PDE10A: variants seen among roughly 807,000 people sequenced by gnomAD.
PDE10A encodes the protein cAMP and cAMP-inhibited cGMP 3',5'-cyclic phosphodiesterase 10A.
A neutral mutation model predicts 97.7 loss-of-function variants in PDE10A; 39 were observed. That is an observed-to-expected ratio of 0.40 (90% CI 0.31 to 0.52). PDE10A has a LOEUF of 0.52. Among genes scored for constraint, PDE10A ranks in the 20% least tolerant of loss-of-function variants. The pLI is 0.56. For synonymous variants in PDE10A, 371 were observed against 376.8 expected, an observed-to-expected ratio of 0.98 and a Z score of 0.18; for missense variants, 731 against 1,047.8, an observed-to-expected ratio of 0.70 and a Z score of 4.17.
At chr6:165,489,455 T>G (rs1345461117) in intron 2 of PDE10A, among the ~76,000 whole-genome samples, 2 of 152,162 alleles carry the variant, frequency 1.3e-5, no homozygotes, top group Admixed American at 1.3e-4. Flanking sequence ...CAGCAGCCCT[T>G]GAGTCCCAGA....
chr6:165,472,013 C>T (rs1488678924), intron 3 of PDE10A, among the ~76,000 whole-genome samples: 5 of 151,868 alleles, frequency 3.3e-5, no homozygotes, highest in Non-Finnish European at 7.4e-5. Flanking sequence ...AGTTATTTTC[C>T]TAGCTTTAAA....
rs190831071 is a variant in PDE10A at position 165,369,254 on chromosome 6, G to A, written c.2783+9940C>T. Among the ~76,000 whole-genome samples, 60 of 152,260 alleles carry A rather than the reference G, an allele frequency of 3.9e-4. 1 individual carries two copies. The highest frequency in any genetic ancestry group is 2.9e-3 in the Admixed American group (45 of 15,302). ...GAATGACTTTGACGAGCTGAGAGCA[G>A]AAGGCTTCAGACGATCAAATTACTC... is the stretch of plus-strand genomic sequence containing the variant. On this transcript the variant is annotated intron_variant, in intron 18 of 21. Transcript: ENST00000539869.
At chr6:165,508,964 G>A (rs935150609) in intron 2 of PDE10A, among the ~76,000 whole-genome samples, 4 of 151,916 alleles carry the variant, frequency 2.6e-5, no homozygotes, top group Admixed American at 1.3e-4. Flanking sequence ...AGCAATCAGC[G>A]ATGTGCTTCC....
chr6:165,416,899 TTGTC>T (rs1292043672), intron 11 of PDE10A, among the ~76,000 whole-genome samples: 9 of 152,212 alleles, frequency 5.9e-5, no homozygotes, highest in Admixed American at 4.6e-4. Context: ...AATACAAGGA[TTGTC>T]TGTTTTTTAT....
intron 2 of PDE10A, among the ~76,000 whole-genome samples, chr6:165,519,476 A>AAT (rs928021524): frequency 1.3e-5 from 2 of 151,982 alleles, no homozygotes; most frequent in Admixed American, 6.6e-5. Flanking sequence ...AAAAAAAAAA[A>AAT]ACCACATCAG....
intron 1 of PDE10A, among the ~76,000 whole-genome samples, chr6:165,637,590 C>T (rs1028701282): frequency 6.6e-6 from 1 of 152,190 alleles, no homozygotes; most frequent in Non-Finnish European, 1.5e-5. Flanking sequence ...GGCAGCATAA[C>T]AGGGTCACAA....
chr6:165,660,017 T>C (rs1790158445), intron 1 of PDE10A: 2 of 152,280 alleles, frequency 1.3e-5, no homozygotes, highest in Non-Finnish European at 2.9e-5. Context: ...GAGCAGCTTG[T>C]CACTGCAAGA....
chr6:165,502,798 A>C (rs749210267), intron 2 of PDE10A, among the ~76,000 whole-genome samples: 15 of 152,180 alleles, frequency 9.9e-5, no homozygotes, highest in Non-Finnish European at 1.9e-4. Context: ...TATGAACTAT[A>C]ATGACAAAAG....
At chr6:165,726,130 C>T (rs573854509) in intron 1 of PDE10A, among the ~76,000 whole-genome samples, 10 of 152,232 alleles carry the variant, frequency 6.6e-5, no homozygotes, top group East Asian at 5.8e-4. Flanking sequence ...GGCAGAGAGT[C>T]GAGGAGCTGT....
intron 1 of PDE10A, among the ~76,000 whole-genome samples, chr6:165,806,927 T>C (rs1562746463): frequency 6.6e-6 from 1 of 152,236 alleles, no homozygotes; most frequent in East Asian, 1.9e-4. Flanking sequence ...TACCATGTTA[T>C]GTTTTTTCAC....
At chr6:165,601,928 G>A (rs1786974430) in intron 1 of PDE10A, among the ~76,000 whole-genome samples, 1 of 152,182 alleles carries the variant, frequency 6.6e-6, no homozygotes, top group Non-Finnish European at 1.5e-5. Flanking sequence ...TTCTATGCCA[G>A]ATGACAAAGA....
At chr6:165,527,572 C>A (rs1401896099) in intron 2 of PDE10A, among the ~76,000 whole-genome samples, 1 of 152,204 alleles carries the variant, frequency 6.6e-6, no homozygotes, top group Non-Finnish European at 1.5e-5. Flanking sequence ...TTGGTGGAAA[C>A]TGAATGTTTT....
At chr6:165,971,039 T>C (rs1784654310) in intron 1 of PDE10A, among the ~76,000 whole-genome samples, 1 of 151,954 alleles carries the variant, frequency 6.6e-6, no homozygotes, top group Non-Finnish European at 1.5e-5. Flanking sequence ...TCCCAATTAC[T>C]CGGAAGGCTG....
At chr6:165,366,812 G>A (rs1223065767) in intron 18 of PDE10A, among the ~76,000 whole-genome samples, 1 of 152,108 alleles carries the variant, frequency 6.6e-6, no homozygotes, top group East Asian at 1.9e-4. Context: ...CCCAACTAAA[G>A]CTTAAAGGAA....
chr6:165,577,647 C>T lies in PDE10A; in HGVS notation c.866-34079G>A, dbSNP rs79639644. ...CCCCTCACTCTTGGAGCTCCCCACA[C>T]GTGGGCCGCCTGCTATGAGTCCCTG... On this transcript the variant is annotated intron_variant, in intron 1 of 21. Transcript: ENST00000539869. Among the ~76,000 whole-genome samples the T allele has an allele frequency of 7.9e-3, 1,206 of 152,304 alleles. 12 individuals carry two copies. Among genetic ancestry groups the T allele is most frequent in the African/African-American group, 0.028 (1,154 of 41,552 alleles).
At chr6:165,706,560 T>A (rs1791714882) in intron 1 of PDE10A, among the ~76,000 whole-genome samples, 1 of 152,212 alleles carries the variant, frequency 6.6e-6, no homozygotes, top group African/African-American at 2.4e-5. Context: ...GCCAATACTA[T>A]CTTATTGACA....
At chr6:165,551,431 G>A (rs1439323516) in intron 1 of PDE10A, among the ~76,000 whole-genome samples, 1 of 152,142 alleles carries the variant, frequency 6.6e-6, no homozygotes, top group Non-Finnish European at 1.5e-5. Context: ...TGTTATACAC[G>A]TTACACATAC....
chr6:165,554,546 C>A (rs547860602), intron 1 of PDE10A, among the ~76,000 whole-genome samples: 1 of 152,150 alleles, frequency 6.6e-6, no homozygotes, highest in South Asian at 2.1e-4. Context: ...GAAAAGGGAA[C>A]CTTTGTACGC....
chr6:165,496,139 G>A (rs1384398878), intron 2 of PDE10A, among the ~76,000 whole-genome samples: 1 of 151,828 alleles, frequency 6.6e-6, no homozygotes, highest in African/African-American at 2.4e-5. Flanking sequence ...CCAAGCAGAG[G>A]GATCAGCCTG....
Sources: gnomAD v4.1 joint callset for allele counts (sites outside exome capture counted in the v4.1 genomes callset) on GRCh38, gnomAD v4.1.1 for gene constraint, MANE v1.5 for transcripts, NCBI Gene and HGNC (gene_info 2026-07-23, HGNC 2026-07-21) for gene names.